The following RFC5 variants were observed in gnomAD, a reference collection of about 807,000 sequenced individuals.
RFC5 encodes replication factor C subunit 5, also known as A1 36 kDa subunit.
RFC5 carries 26 observed loss-of-function variants against 44.3 expected under a neutral mutation model. That is an observed-to-expected ratio of 0.59 (90% CI 0.43 to 0.81). The LOEUF is 0.81. Ranked by LOEUF, RFC5 falls within the 40% of genes least tolerant of loss-of-function variation. The pLI is 0.00. For missense variants in RFC5, 328 were observed against 418.6 expected, an observed-to-expected ratio of 0.78 and a Z score of 1.89; for synonymous variants, 155 against 155.2, an observed-to-expected ratio of 1.00 and a Z score of 0.01.
chr12:118,023,589 C>T (rs1177983637), intron 5 of RFC5, among the ~76,000 whole-genome samples: 2 of 151,986 alleles, frequency 1.3e-5, no homozygotes, highest in African/African-American at 4.8e-5. Flanking sequence ...CTTGTTCTGC[C>T]GAGTGACTGT....
chr12:118,018,904 G>A lies in RFC5; in HGVS notation c.66-168G>A, dbSNP rs191756491. On this transcript the variant is annotated intron_variant, in intron 1 of 10. Transcript: ENST00000454402. ...GAGACAGGGTTTTGCCATGTTGGCC[G>A]GGCTGGTTGGTCTTGAACTCCTGAC... is the stretch of plus-strand genomic sequence containing the variant. 1.5e-4 allele frequency among the ~76,000 whole-genome samples: 23 copies of A among 152,194 alleles called. 1 individual carries two copies. Among genetic ancestry groups the A allele is most frequent in the African/African-American group, 5.3e-4 (22 of 41,532 alleles).
intron 5 of RFC5, among the ~76,000 whole-genome samples, chr12:118,023,564 G>A (rs2030701474): frequency 6.6e-6 from 1 of 151,992 alleles, no homozygotes; most frequent in Non-Finnish European, 1.5e-5. Flanking sequence ...AAGCTTGGCA[G>A]CCTTTCTTCG....
chr12:118,038,030 A>G, downstream of RFC5: 1 of 350,934 alleles, frequency 2.8e-6, no homozygotes, highest in East Asian at 4.6e-5. Flanking sequence ...AGAAATTTAA[A>G]AAGCAATTGT....
intron 1 of RFC5, chr12:118,017,912 G>A (rs963916455): frequency 2.4e-5 from 16 of 671,958 alleles, no homozygotes; most frequent in Non-Finnish European, 4.1e-5. Flanking sequence ...GAGTCTTCCC[G>A]CTATCTAGTT....
At chr12:118,038,992 T>C in the RFC5 span, among the ~76,000 whole-genome samples, 1 of 152,172 alleles carries the variant, frequency 6.6e-6, no homozygotes, top group Non-Finnish European at 1.5e-5. Flanking sequence ...AAAGGGACCT[T>C]TGATAGCAGA....
chr12:118,017,560 C>A, intron 1 of RFC5: 1 of 576,840 alleles, frequency 1.7e-6, no homozygotes, highest in African/African-American at 2.0e-5. Context: ...AGCAATTTGG[C>A]TTGGCTTCGA....
Position 118,022,309 on chromosome 12 carries a change from T to C in RFC5, c.371T>C (p.Leu124Ser). Residue 124 changes from leucine (L) to serine (S), a missense_variant, in exon 5 of 11, where the codon TTG (leucine) becomes TCG (serine). Transcript: ENST00000454402. ...IFKKGFKLVI[L>S]DEADAMTQDA... ...AGGAAAGGCTTTAAGCTAGTGATCT[T>C]GGATGAAGCAGACGCCATGACTCAG... 6.2e-7 allele frequency: 1 copy of C among 1,613,990 alleles called. No homozygotes were observed.
Position 118,019,588 on chromosome 12 carries a change from G to A in RFC5, c.131-44G>A, listed in dbSNP as rs746520245. On this transcript the variant is annotated intron_variant, in intron 2 of 10. Coordinates refer to ENST00000454402, the MANE Select transcript of RFC5 (RefSeq NM_007370.7). The surrounding 1 kb of genome is among the most constrained non-coding windows in gnomAD (Gnocchi z 4.2). ...TCAGGAGCCCAGGGTGAATGAGGCA[G>A]CTCCCAAAGACTGATGGTGCCCTTC... 1 of 1,611,060 alleles carries A rather than the reference G, an allele frequency of 6.2e-7. No homozygotes were observed. The highest frequency in any genetic ancestry group is 2.2e-5 in the East Asian group (1 of 44,848).
chr12:118,017,552 C>A, intron 1 of RFC5: 1 of 450,464 alleles, frequency 2.2e-6, no homozygotes, highest in Non-Finnish European at 3.3e-6. Flanking sequence ...GACTTTGAAG[C>A]AATTTGGCTT....
chr12:118,018,987 C>G, intron 1 of RFC5, 85 bp from the exon 2 acceptor site: 1 of 1,045,272 alleles, frequency 9.6e-7, no homozygotes, highest in Non-Finnish European at 1.5e-6. Context: ...GCATGAGCCA[C>G]TGTGCCTGAC....
the RFC5 span, among the ~76,000 whole-genome samples, chr12:118,041,326 A>C: frequency 6.6e-6 from 1 of 152,176 alleles, no homozygotes; most frequent in Non-Finnish European, 1.5e-5. Context: ...GAGGATGCAG[A>C]GAGAAGGTGG....
chr12:118,037,599 C>T (rs1210257697), downstream of RFC5, among the ~76,000 whole-genome samples: 10 of 149,210 alleles, frequency 6.7e-5, no homozygotes, highest in South Asian at 4.2e-4. Context: ...ACCCGGGAAG[C>T]GGAGGTTGCA....
downstream of RFC5, chr12:118,032,342 G>C (rs984410294): frequency 6.6e-6 from 1 of 152,186 alleles, no homozygotes; most frequent in Admixed American, 6.5e-5. Flanking sequence ...CTAAATATCT[G>C]ATGGCCAACC....
chr12:118,029,753 ATT>A lies in RFC5; in HGVS notation c.872-15_872-14del, dbSNP rs767695199. ...AGTAGAGAGTGACCTAACTCATTTG[ATT>A]TTGTTTTTCCCTCAGTTGACTTTCC... On this transcript the variant is annotated splice_polypyrimidine_tract_variant and intron_variant, in intron 9 of 10. Transcript: ENST00000454402. The A allele has an allele frequency of 5.7e-6, 9 of 1,581,384 alleles. No individual in the cohort carries two copies. The highest frequency in any genetic ancestry group is 7.8e-6 in the Non-Finnish European group (9 of 1,150,410).
intron 8 of RFC5, 110 bp downstream of exon 8, chr12:118,027,128 A>C (rs1593449932): frequency 1.8e-6 from 2 of 1,114,510 alleles, no homozygotes; most frequent in East Asian, 2.4e-5. Flanking sequence ...GCTGCAGGCG[A>C]CTCTGGTCAG....
chr12:118,023,430 A>G (rs184023262), intron 5 of RFC5, among the ~76,000 whole-genome samples: 41 of 28,400 alleles, frequency 1.4e-3, no homozygotes, highest in South Asian at 2.0e-3. Context: ...GAGGGGAGGA[A>G]GAGGAGGGGG....
downstream of RFC5, chr12:118,035,807 T>C (rs2031496886): frequency 6.1e-6 from 1 of 165,264 alleles, no homozygotes; most frequent in African/African-American, 2.4e-5. Context: ...ATATTGAGGC[T>C]TCATAATGCT....
intron 1 of RFC5, among the ~76,000 whole-genome samples, chr12:118,018,754 G>A (rs2030279416): frequency 6.6e-6 from 1 of 151,914 alleles, no homozygotes; most frequent in Admixed American, 6.6e-5. Flanking sequence ...GGGCTACAGG[G>A]GTATGCCACC....
chr12:118,023,358 G>GAGT (rs1398367794), intron 5 of RFC5, among the ~76,000 whole-genome samples: 1 of 144,830 alleles, frequency 6.9e-6, no homozygotes, highest in African/African-American at 2.6e-5. Flanking sequence ...TGTGGCGAGG[G>GAGT]AGTAGATGGC....
Sources: gnomAD v4.1 joint callset for allele counts (sites outside exome capture counted in the v4.1 genomes callset) on GRCh38, gnomAD v4.1.1 for gene constraint, Gnocchi (gnomAD v3.1) non-coding constraint, MANE v1.5 for transcripts, NCBI Gene and HGNC (gene_info 2026-07-23, HGNC 2026-07-21) for gene names.